The following DOK6 variants were observed in gnomAD, a reference collection of about 807,000 sequenced individuals.
The protein encoded by DOK6 is downstream of tyrosine kinase 6.
DOK6 carries 22 observed loss-of-function variants against 44.0 expected under a neutral mutation model. The observed-to-expected ratio is 0.50, with a 90% CI of 0.36 to 0.71. The LOEUF is 0.71. DOK6 is among the 30% of genes least tolerant of loss of function. The pLI, the probability that DOK6 is intolerant of heterozygous loss-of-function variation, is 0.00. For synonymous variants in DOK6, 166 were observed against 145.5 expected (o/e 1.14, Z -1.01); for missense variants, 340 against 416.4 (o/e 0.82, Z 1.60).
At chr18:69,700,122 C>T (rs1599271093) in intron 5 of DOK6, among the ~76,000 whole-genome samples, 1 of 151,574 alleles carries the variant, frequency 6.6e-6, no homozygotes, top group East Asian at 2.0e-4. Flanking sequence ...CTGGGTCACT[C>T]CAACAACACG....
At position 69,640,965 on chromosome 18, in the gene DOK6, C is replaced by T. The variant is rs147700807; in HGVS notation, c.290-36769C>T. On this transcript the variant is annotated intron_variant, in intron 3 of 7. Coordinates refer to ENST00000382713, the MANE Select transcript of DOK6 (RefSeq NM_152721.6). ...TGGTGGCTCACGCCTGTAATCCCAG[C>T]ACTTTGGGAGGCTGAGGTGGGCGGG... Among the ~76,000 whole-genome samples the T allele has an allele frequency of 8.2e-3, 1,250 of 152,192 alleles. 16 individuals are homozygous for T. Among genetic ancestry groups the T allele is most frequent in the African/African-American group, 0.029 (1,187 of 41,516 alleles).
chr18:69,808,310 C>A (rs2145112825), intron 7 of DOK6, among the ~76,000 whole-genome samples: 1 of 151,574 alleles, frequency 6.6e-6, no homozygotes, highest in East Asian at 1.9e-4. Flanking sequence ...TTAGCTAATA[C>A]CAATAAATGC....
At position 69,564,411 on chromosome 18, in the gene DOK6, G is replaced by T. The variant is rs1225471936; in HGVS notation, c.67-76G>T. 4 of 1,263,744 alleles carry T rather than the reference G, an allele frequency of 3.2e-6. No individual in the cohort carries two copies. In the Admixed American group the frequency reaches 9.1e-5, roughly 29 times the overall value. 78.3% of individuals were successfully genotyped at this position (1,263,744 alleles called of 1,614,324 possible). A position where few individuals can be genotyped will look rare whatever the true frequency, so the allele number is the denominator to read the frequency against. On this transcript the variant is annotated intron_variant, in intron 1 of 7. Coordinates refer to ENST00000382713, the MANE Select transcript of DOK6 (RefSeq NM_152721.6). ...CTCTCTGAAGTACACTTAAAAAATTGATTAATTGAATCAACTCCTAATGTC... is the reference window on the plus strand; with the variant it reads ...CTCTCTGAAGTACACTTAAAAAATTTATTAATTGAATCAACTCCTAATGTC...
Position 69,846,204 on chromosome 18 carries a change from T to C in DOK6, c.*4821T>C, listed in dbSNP as rs543978915. The C allele has an allele frequency of 3.3e-5, 5 of 152,356 alleles. No homozygotes were observed. In the East Asian group the frequency reaches 5.8e-4, roughly 18 times the overall value. 9.4% of individuals were successfully genotyped at this position (152,356 alleles called of 1,614,324 possible). A position where few individuals can be genotyped will look rare whatever the true frequency, so the allele number is the denominator to read the frequency against. ...TTTCCCAGGCAGGTGGAATGCTAGCTAGATCTAGAAGCACCCTTAAAGGTC... is the reference window on the plus strand; with the variant it reads ...TTTCCCAGGCAGGTGGAATGCTAGCCAGATCTAGAAGCACCCTTAAAGGTC... On this transcript the variant is annotated 3_prime_UTR_variant, in exon 8 of 8. Coordinates refer to ENST00000382713, the MANE Select transcript of DOK6 (RefSeq NM_152721.6).
intron 4 of DOK6, among the ~76,000 whole-genome samples, chr18:69,684,729 T>C (rs1387540937): frequency 6.6e-6 from 1 of 152,134 alleles, no homozygotes; most frequent in East Asian, 1.9e-4. Flanking sequence ...TAGAATGTGA[T>C]TTTCCCTGTT....
chr18:69,514,763 G>A (rs1175891943), intron 1 of DOK6, among the ~76,000 whole-genome samples: 2 of 149,806 alleles, frequency 1.3e-5, no homozygotes, highest in Non-Finnish European at 3.0e-5. Context: ...TTAGGCTGTT[G>A]TCTTTGCCTA....
At chr18:69,443,698 T>G (rs1979198969) in intron 1 of DOK6, among the ~76,000 whole-genome samples, 1 of 152,184 alleles carries the variant, frequency 6.6e-6, no homozygotes, top group South Asian at 2.1e-4. Context: ...TTTCTATCCC[T>G]TGTACTAAAT....
intron 7 of DOK6, among the ~76,000 whole-genome samples, chr18:69,819,511 T>C (rs998623600): frequency 5.9e-5 from 9 of 152,174 alleles, no homozygotes; most frequent in African/African-American, 2.2e-4. Flanking sequence ...TCTTTTTGCT[T>C]TCTAACTGTG....
At chr18:69,809,896 T>A (rs1981170546) in intron 7 of DOK6, among the ~76,000 whole-genome samples, 1 of 151,934 alleles carries the variant, frequency 6.6e-6, no homozygotes, top group Non-Finnish European at 1.5e-5. Context: ...ATTATTAAAG[T>A]GTCAGTACCA....
chr18:69,556,243 G>A lies in DOK6; in HGVS notation c.67-8244G>A, dbSNP rs147417240. ...CTTGTTCTGATTCCCTGCCCTCCACGCTGGCCCCTTGCAGCTCTTGAAGCA... is the reference window on the plus strand; with the variant it reads ...CTTGTTCTGATTCCCTGCCCTCCACACTGGCCCCTTGCAGCTCTTGAAGCA... On this transcript the variant is annotated intron_variant, in intron 1 of 7. Coordinates refer to ENST00000382713, the MANE Select transcript of DOK6 (RefSeq NM_152721.6). Among the ~76,000 whole-genome samples, 95 of 152,106 alleles carry A rather than the reference G, an allele frequency of 6.2e-4. 2 individuals carry two copies. The highest frequency in any genetic ancestry group is 2.1e-3 in the African/African-American group (89 of 41,478).
chr18:69,750,867 C>A (rs1317470204), intron 6 of DOK6, among the ~76,000 whole-genome samples: 4 of 152,002 alleles, frequency 2.6e-5, no homozygotes, highest in African/African-American at 9.7e-5. Context: ...ATGTGGAACA[C>A]ATACGCAGTG....
intron 7 of DOK6, among the ~76,000 whole-genome samples, chr18:69,793,040 A>G (rs1273493169): frequency 6.6e-6 from 1 of 152,126 alleles, no homozygotes; most frequent in East Asian, 1.9e-4. Context: ...TATTAGAAAC[A>G]ATTATTTGCA....
chr18:69,724,380 A>T (rs1223737210), intron 5 of DOK6, among the ~76,000 whole-genome samples: 2 of 152,360 alleles, frequency 1.3e-5, no homozygotes, highest in Admixed American at 1.3e-4. Context: ...TTGAAAATGA[A>T]CATTTCATGG....
chr18:69,581,841 C>A (rs1036588994), intron 2 of DOK6, among the ~76,000 whole-genome samples: 1 of 152,114 alleles, frequency 6.6e-6, no homozygotes, highest in South Asian at 2.1e-4. Flanking sequence ...CAATAATGCC[C>A]CCTTATTCTT....
intron 6 of DOK6, among the ~76,000 whole-genome samples, chr18:69,753,534 A>C (rs1267280174): frequency 6.6e-6 from 1 of 152,204 alleles, no homozygotes; most frequent in African/African-American, 2.4e-5. Context: ...CTCTTTCTAG[A>C]TGCTAACTAA....
intron 3 of DOK6, among the ~76,000 whole-genome samples, chr18:69,645,687 A>G (rs1985053882): frequency 6.6e-6 from 1 of 152,308 alleles, no homozygotes; most frequent in Middle Eastern, 3.4e-3. Context: ...ATCCCAGGAA[A>G]AAAAAATGAA....
At chr18:69,664,426 A>C (rs1985605022) in intron 3 of DOK6, among the ~76,000 whole-genome samples, 1 of 152,348 alleles carries the variant, frequency 6.6e-6, no homozygotes, top group South Asian at 2.1e-4. Flanking sequence ...TCTTTATGCA[A>C]ATTATCAGAA....
At chr18:69,566,238 A>G (rs1463880446) in intron 2 of DOK6, among the ~76,000 whole-genome samples, 9 of 151,584 alleles carry the variant, frequency 5.9e-5, no homozygotes, top group South Asian at 2.1e-4. Context: ...TCGGGTTCAC[A>G]CCATTCTCCT....
chr18:69,580,606 T>C (rs1036388436), intron 2 of DOK6, among the ~76,000 whole-genome samples: 4 of 152,224 alleles, frequency 2.6e-5, no homozygotes, highest in Non-Finnish European at 5.9e-5. Flanking sequence ...TTTTGATACA[T>C]GTGTACAAAG....
Sources: allele counts gnomAD v4.1 joint callset (sites outside exome capture counted in the v4.1 genomes callset), GRCh38; gene constraint gnomAD v4.1.1; transcripts MANE v1.5; gene names NCBI Gene and HGNC (gene_info 2026-07-23, HGNC 2026-07-21).